The following GALNT14 variants were observed in gnomAD, a reference collection of about 807,000 sequenced individuals.
GALNT14 encodes polypeptide N-acetylgalactosaminyltransferase 14.
GALNT14 carries 60 observed loss-of-function variants against 77.5 expected under a neutral mutation model. The observed-to-expected ratio is 0.77, with a 90% CI of 0.63 to 0.96. The LOEUF (loss-of-function observed/expected upper bound fraction) is 0.96. GALNT14 is among the 40% of genes least tolerant of loss of function. GALNT14 has a pLI of 0.00. For synonymous variants in GALNT14, 280 were observed against 281.7 expected (o/e 0.99, Z 0.06); for missense variants, 710 against 731.0 (o/e 0.97, Z 0.33).
At chr2:30,956,300 C>G (rs1456709546) in intron 4 of GALNT14, among the ~76,000 whole-genome samples, 3 of 152,034 alleles carry the variant, frequency 2.0e-5, no homozygotes. Flanking sequence ...GGACATTTCT[C>G]TTTTCTTTTT....
intron 1 of GALNT14, among the ~76,000 whole-genome samples, chr2:31,007,308 A>G (rs1670740950): frequency 6.6e-6 from 1 of 152,210 alleles, no homozygotes; most frequent in South Asian, 2.1e-4. Flanking sequence ...AAAACGCAGC[A>G]GGAACCTCGC....
chr2:31,023,433 G>C (rs1465685892), intron 1 of GALNT14, among the ~76,000 whole-genome samples: 1 of 151,980 alleles, frequency 6.6e-6, no homozygotes, highest in Non-Finnish European at 1.5e-5. Context: ...ACTCCCATTA[G>C]CATACATGCG....
chr2:30,966,970 A>G (rs913978653), intron 2 of GALNT14, among the ~76,000 whole-genome samples: 2 of 152,194 alleles, frequency 1.3e-5, no homozygotes, highest in Admixed American at 6.5e-5. Context: ...TGCAGCTTGA[A>G]AATTACTATA....
At chr2:31,070,058 C>T (rs1324285505) in intron 1 of GALNT14, among the ~76,000 whole-genome samples, 2 of 152,160 alleles carry the variant, frequency 1.3e-5, no homozygotes, top group African/African-American at 4.8e-5. Flanking sequence ...CATGGAGCAT[C>T]CTCCAAGTAC....
chr2:30,942,547 T>A (rs1487003231), intron 8 of GALNT14, among the ~76,000 whole-genome samples: 1 of 152,202 alleles, frequency 6.6e-6, no homozygotes, highest in Non-Finnish European at 1.5e-5. Context: ...CTCCTGACCT[T>A]GCAGACAGGC....
At chr2:31,035,973 T>C (rs1672715696) in intron 1 of GALNT14, among the ~76,000 whole-genome samples, 1 of 152,134 alleles carries the variant, frequency 6.6e-6, no homozygotes, top group Non-Finnish European at 1.5e-5. Flanking sequence ...CAACTTTACC[T>C]ACATAACAAA....
In GALNT14 at chr2:31,087,398, C is replaced by G. The variant is rs1199893664; in HGVS notation, c.129+50560G>C. 5.2e-5 allele frequency among the ~76,000 whole-genome samples: 7 copies of G among 135,576 alleles called. No homozygotes were observed. The East Asian group carries it at 1.4e-3, about 28-fold the overall frequency. 88.9% of individuals were successfully genotyped at this position (135,576 alleles called of 152,430 possible). ...GTGAGAGAAATGCACATTTAGGAGTCAACAGAGAGAAGATATTCCAAATTC... is the reference window on the plus strand; with the variant it reads ...GTGAGAGAAATGCACATTTAGGAGTGAACAGAGAGAAGATATTCCAAATTC... On this transcript the variant is annotated intron_variant, in intron 1 of 14. Coordinates refer to ENST00000349752, the MANE Select transcript of GALNT14 (RefSeq NM_024572.4).
At position 30,913,479 on chromosome 2, in the gene GALNT14, C is replaced by T. The variant is rs528668828; in HGVS notation, c.1381-1137G>A. Among the ~76,000 whole-genome samples, 27 of 152,300 alleles carry T rather than the reference C, an allele frequency of 1.8e-4. No individual in the cohort carries two copies. The East Asian group carries it at 2.5e-3, about 14-fold the overall frequency. The stretch of plus-strand genomic sequence containing the variant: ...GCAGACATGGTGGTCATCTGTCTCT[C>T]GTTCTCCATCTTCCCTCCTGGTCCC... On this transcript the variant is annotated intron_variant, in intron 13 of 14. Transcript: ENST00000349752.
At chr2:30,887,969 T>G in the GALNT14 span, among the ~76,000 whole-genome samples, 1 of 152,254 alleles carries the variant, frequency 6.6e-6, no homozygotes, top group African/African-American at 2.4e-5. Flanking sequence ...GGACCTGTAG[T>G]CTGCTGGCAC....
chr2:30,904,492 G>C, the GALNT14 span, among the ~76,000 whole-genome samples: 2 of 152,214 alleles, frequency 1.3e-5, no homozygotes, highest in Non-Finnish European at 2.9e-5. Flanking sequence ...CGAATACTGC[G>C]CTTTTCCGAC....
downstream of GALNT14, among the ~76,000 whole-genome samples, chr2:30,905,791 A>T (rs1219529810): frequency 6.7e-6 from 1 of 149,562 alleles, no homozygotes; most frequent in African/African-American, 2.4e-5. Flanking sequence ...GAAGGAAAAA[A>T]TGTTAAGGGC....
At chr2:31,008,022 A>T (rs1670786399) in intron 1 of GALNT14, among the ~76,000 whole-genome samples, 1 of 151,890 alleles carries the variant, frequency 6.6e-6, no homozygotes, top group Admixed American at 6.6e-5. Context: ...TCTCAAAATA[A>T]CTCTCTTCTT....
In GALNT14 at chr2:31,107,621, A is replaced by G. The variant is rs1025108720; in HGVS notation, c.129+30337T>C. On this transcript the variant is annotated intron_variant, in intron 1 of 14. Coordinates refer to ENST00000349752, the MANE Select transcript of GALNT14 (RefSeq NM_024572.4). ...ATTATACAGGAAGTCCTATTTGCCT[A>G]TTCCACTGATTCACCACTACATCTC... Among the ~76,000 whole-genome samples the G allele has an allele frequency of 2.6e-5, 4 of 152,212 alleles. No homozygotes were observed. The South Asian group carries it at 6.2e-4, about 24-fold the overall frequency.
intron 14 of GALNT14, among the ~76,000 whole-genome samples, chr2:30,911,760 C>T (rs1044531745): frequency 1.3e-5 from 2 of 152,154 alleles, no homozygotes; most frequent in African/African-American, 4.8e-5. Flanking sequence ...ACACCAATAC[C>T]CAGTTGGCAA....
At chr2:31,129,725 G>C (rs892380384) in intron 1 of GALNT14, 5 of 815,750 alleles carry the variant, frequency 6.1e-6, no homozygotes, top group Non-Finnish European at 5.9e-6. Flanking sequence ...TGGGAGGTGG[G>C]GGGTGGGAGG....
At chr2:31,092,493 C>A (rs539726053) in intron 1 of GALNT14, among the ~76,000 whole-genome samples, 200 of 152,152 alleles carry the variant, frequency 1.3e-3, no homozygotes, top group African/African-American at 4.7e-3. Context: ...ATAGACAAAA[C>A]AGATCATATT....
rs529653696 is a variant in GALNT14, at chr2:30,917,076, C to CAAAAAAAAAAAAAA, written c.1381-4748_1381-4735dup. ...TGGGCAAAAGAGTAAGACTCCGTCT[C>CAAAAAAAAAAAAAA]AAAAAAAAAAAAAAAAAAAAAAAAA... On this transcript the variant is annotated intron_variant, in intron 13 of 14. Transcript: ENST00000349752. Among the ~76,000 whole-genome samples, 135 of 19,908 alleles carry CAAAAAAAAAAAAAA rather than the reference C, an allele frequency of 6.8e-3. 21 individuals carry two copies. Among genetic ancestry groups the CAAAAAAAAAAAAAA allele is most frequent in the Non-Finnish European group, 9.8e-3 (106 of 10,810 alleles). The allele number at this position is 19,908 out of a possible 152,430, so 13.1% of individuals were successfully genotyped here.
intron 3 of GALNT14, among the ~76,000 whole-genome samples, chr2:30,962,429 C>T (rs559224707): frequency 1.8e-4 from 28 of 152,340 alleles, no homozygotes; most frequent in African/African-American, 6.3e-4. Flanking sequence ...AGACTCAACA[C>T]ATAAAGGGAT....
intron 1 of GALNT14, among the ~76,000 whole-genome samples, chr2:31,033,303 T>C (rs1039524987): frequency 3.4e-4 from 51 of 152,152 alleles, no homozygotes; most frequent in African/African-American, 1.2e-3. Context: ...GAGGTCCTTG[T>C]CTTCCTAGTG....
Sources: gnomAD v4.1 joint callset for allele counts (sites outside exome capture counted in the v4.1 genomes callset) on GRCh38, gnomAD v4.1.1 for gene constraint, MANE v1.5 for transcripts, NCBI Gene and HGNC (gene_info 2026-07-23, HGNC 2026-07-21) for gene names.